Variants in CFHR3 observed in about 807,000 individuals in gnomAD.
CFHR3 encodes complement factor H related 3.
Under a neutral mutation model 36.0 loss-of-function variants are expected in CFHR3, and 22 were observed. That is an observed-to-expected ratio of 0.61 (90% CI 0.44 to 0.87). The LOEUF (loss-of-function observed/expected upper bound fraction) is 0.87. CFHR3 is among the 40% of genes least tolerant of loss of function. The probability of loss-of-function intolerance (pLI) is 0.00; values close to 1 mark genes in which losing one functional copy is unlikely to be tolerated. For missense variants in CFHR3, 276 were observed against 401.3 expected (o/e 0.69, Z 2.67); for synonymous variants, 97 against 137.4 (o/e 0.71, Z 2.06).
In CFHR3 at chr1:196,792,594, A is replaced by G. The variant is rs868341797; in HGVS notation, c.797-723A>G. Among the ~76,000 whole-genome samples, 14 of 133,562 alleles carry G rather than the reference A, an allele frequency of 1.0e-4. 5 individuals are homozygous for G. The South Asian group carries it at 2.6e-3, about 25-fold the overall frequency. The allele number at this position is 133,562 out of a possible 152,430, so 87.6% of individuals were successfully genotyped here. On this transcript the variant is annotated intron_variant, in intron 5 of 5. Coordinates refer to ENST00000367425, the MANE Select transcript of CFHR3 (RefSeq NM_021023.6). The stretch of plus-strand genomic sequence containing the variant: ...AAAAGAAAATCCATATGTGGAAGTA[A>G]CATTATCTTACTGATTTTACAGATG...
At position 196,789,021 on chromosome 1, in the gene CFHR3, C is replaced by CTCGACCTTTACTTAGTATGA. The variant is rs1460520610; in HGVS notation, c.613+625_613+644dup. On this transcript the variant is annotated intron_variant, in intron 4 of 5. Coordinates refer to ENST00000367425, the MANE Select transcript of CFHR3 (RefSeq NM_021023.6). ...TTACATGTAAAGTTCTCTGAACGTG[C>CTCGACCTTTACTTAGTATGA]TCGACCTTTACTTAGTATGATAAAG... The CTCGACCTTTACTTAGTATGA allele has an allele frequency of 7.1e-6, 9 of 1,265,904 alleles. 1 individual carries two copies. In the Admixed American group the frequency reaches 2.1e-4, roughly 29 times the overall value. 78.4% of individuals were successfully genotyped at this position (1,265,904 alleles called of 1,614,324 possible).
intron 3 of CFHR3, among the ~76,000 whole-genome samples, chr1:196,784,592 T>G (rs1360705621): frequency 1.5e-5 from 2 of 136,338 alleles, no homozygotes; most frequent in African/African-American, 6.2e-5. Flanking sequence ...TTTGTTGGTT[T>G]AAAGTTTGTT....
chr1:196,794,753 T>C lies in CFHR3; in HGVS notation c.*1240T>C. On this transcript the variant is annotated 3_prime_UTR_variant, in exon 6 of 6. Coordinates refer to ENST00000367425, the MANE Select transcript of CFHR3 (RefSeq NM_021023.6). Reference sequence around the variant, plus strand: ...AATCTCTATTCACTTTAATAGATTTTTACCCCCAGTTAGCATATGGTTAGT... The same window carrying C: ...AATCTCTATTCACTTTAATAGATTTCTACCCCCAGTTAGCATATGGTTAGT... The C allele has an allele frequency of 1.1e-5, 3 of 282,126 alleles. 1 individual carries two copies. The highest frequency in any genetic ancestry group is 1.0e-4 in the South Asian group (3 of 28,726). 17.5% of individuals were successfully genotyped at this position (282,126 alleles called of 1,614,324 possible).
In CFHR3 at chr1:196,779,687, G is replaced by T. The variant is rs1653866238; in HGVS notation, c.254-110G>T. On this transcript the variant is annotated intron_variant, in intron 2 of 5. Coordinates refer to ENST00000367425, the MANE Select transcript of CFHR3 (RefSeq NM_021023.6). ...TCATACTAAGTTGTACATTATTTTT[G>T]GATGTTTATGCGATCTTATTTAAAT... 6 of 1,306,776 alleles carry T rather than the reference G, an allele frequency of 4.6e-6. 1 individual carries two copies. The highest frequency in any genetic ancestry group is 6.1e-6 in the Non-Finnish European group (6 of 983,486). The allele number at this position is 1,306,776 out of a possible 1,614,324, so 80.9% of individuals were successfully genotyped here. A position where few individuals can be genotyped will look rare whatever the true frequency, so the allele number is the denominator to read the frequency against.
rs1417802171 is a variant in CFHR3, at chr1:196,789,917, C to G, written c.614-128C>G. On this transcript the variant is annotated intron_variant, in intron 4 of 5. Coordinates refer to ENST00000367425, the MANE Select transcript of CFHR3 (RefSeq NM_021023.6). ...CTTGAGACTTAAAAAGAAAAAACAA[C>G]GTTGAAAATGCAGATGTCTTCCTAA... The G allele has an allele frequency of 2.4e-4, 305 of 1,248,872 alleles. 6 individuals are homozygous for G. In the African/African-American group the frequency reaches 6.1e-3, roughly 25 times the overall value. The allele number at this position is 1,248,872 out of a possible 1,614,324, so 77.4% of individuals were successfully genotyped here.
chr1:196,779,302 T>G lies in CFHR3; in HGVS notation c.199T>G (p.Trp67Gly), dbSNP rs1412795610. 1.2e-5 allele frequency: 19 copies of G among 1,529,808 alleles called. 1 individual carries two copies. Among genetic ancestry groups the G allele is most frequent in the Non-Finnish European group, 1.6e-5 (18 of 1,130,440 alleles). 94.8% of individuals were successfully genotyped at this position (1,529,808 alleles called of 1,614,324 possible). A position where few individuals can be genotyped will look rare whatever the true frequency, so the allele number is the denominator to read the frequency against. ...TTTTGAGACTCCTTCAGGAAGTTACTGGGATTACATTCATTGCACACAAAA... is the reference window on the plus strand; with the variant it reads ...TTTTGAGACTCCTTCAGGAAGTTACGGGGATTACATTCATTGCACACAAAA... Reference protein sequence around the residue: ...EHFETPSGSYWDYIHCTQNGW... With the variant: ...EHFETPSGSYGDYIHCTQNGW... Residue 67 changes from tryptophan (W) to glycine (G), a missense_variant, in exon 2 of 6, where the codon TGG (tryptophan) becomes GGG (glycine). Coordinates refer to ENST00000367425, the MANE Select transcript of CFHR3 (RefSeq NM_021023.6).
At chr1:196,784,115 G>C (rs1654085653) in intron 3 of CFHR3, among the ~76,000 whole-genome samples, 1 of 136,412 alleles carries the variant, frequency 7.3e-6, no homozygotes, top group Non-Finnish European at 1.6e-5. Context: ...GAGCAGTTTT[G>C]AGTGAGTTTC....
chr1:196,777,285 A>G (rs424878), intron 1 of CFHR3, among the ~76,000 whole-genome samples: 7,386 of 137,164 alleles, frequency 0.054, 2,240 homozygotes, highest in African/African-American at 0.21. Context: ...TTAATCATGA[A>G]TATCCTTTCA....
chr1:196,785,057 T>G (rs1654138036), intron 3 of CFHR3, among the ~76,000 whole-genome samples: 1 of 136,050 alleles, frequency 7.4e-6, no homozygotes. Context: ...TCTCCTTCAC[T>G]TATGAAGCTT....
At chr1:196,777,982 T>TAAAAAAAAA (rs202127437) in intron 1 of CFHR3, among the ~76,000 whole-genome samples, 2 of 89,862 alleles carry the variant, frequency 2.2e-5, no homozygotes, top group Non-Finnish European at 4.3e-5. Context: ...ACAAGACTGT[T>TAAAAAAAAA]AAAAAAAAAA....
rs1440798803 is a variant in CFHR3, at chr1:196,784,824, A to G, written c.431-3392A>G. 1.1e-4 allele frequency among the ~76,000 whole-genome samples: 15 copies of G among 134,240 alleles called. 1 individual carries two copies. The East Asian group carries it at 2.8e-3, about 25-fold the overall frequency. The allele number at this position is 134,240 out of a possible 152,430, so 88.1% of individuals were successfully genotyped here. On this transcript the variant is annotated intron_variant, in intron 3 of 5. Transcript: ENST00000367425. ...TTACATTTAAAGTTAATATTGTTAA[A>G]TGTGAATTTGATCCTGTCATTATGA...
chr1:196,777,667 C>T lies in CFHR3; in HGVS notation c.59-1495C>T, dbSNP rs1653777770. Among the ~76,000 whole-genome samples the T allele has an allele frequency of 4.4e-5, 6 of 136,608 alleles. 3 individuals are homozygous for T. In the South Asian group the frequency reaches 1.5e-3, roughly 35 times the overall value. The allele number at this position is 136,608 out of a possible 152,430, so 89.6% of individuals were successfully genotyped here. A position where few individuals can be genotyped will look rare whatever the true frequency, so the allele number is the denominator to read the frequency against. On this transcript the variant is annotated intron_variant, in intron 1 of 5. Coordinates refer to ENST00000367425, the MANE Select transcript of CFHR3 (RefSeq NM_021023.6). ...AACCTAAACTATGAAAAACTCACTA[C>T]AGTTTCGAAATTATCACTGACTAAG...
In CFHR3 at chr1:196,794,749, AT is replaced by A. The variant is rs1209844574; in HGVS notation, c.*1241del. 1.4e-5 allele frequency: 4 copies of A among 283,846 alleles called. 1 individual carries two copies. The highest frequency in any genetic ancestry group is 2.7e-5 in the Non-Finnish European group (4 of 146,212). 17.6% of individuals were successfully genotyped at this position (283,846 alleles called of 1,614,324 possible). On this transcript the variant is annotated 3_prime_UTR_variant, in exon 6 of 6. Transcript: ENST00000367425. Reference sequence around the variant, plus strand: ...TTGAAATCTCTATTCACTTTAATAGATTTTTACCCCCAGTTAGCATATGGTT... The same window carrying A: ...TTGAAATCTCTATTCACTTTAATAGATTTTACCCCCAGTTAGCATATGGTT...
chr1:196,789,872 C>G lies in CFHR3; in HGVS notation c.614-173C>G. ...CATATATGTACATATATATGTAGTC[C>G]TCCTATGAGTGTGAATTATCTTGAG... On this transcript the variant is annotated intron_variant, in intron 4 of 5. Transcript: ENST00000367425. 24 of 1,145,264 alleles carry G rather than the reference C, an allele frequency of 2.1e-5. 2 individuals carry two copies. Among genetic ancestry groups the G allele is most frequent in the Non-Finnish European group, 2.8e-5 (24 of 867,790 alleles). The allele number at this position is 1,145,264 out of a possible 1,614,324, so 70.9% of individuals were successfully genotyped here. A position where few individuals can be genotyped will look rare whatever the true frequency, so the allele number is the denominator to read the frequency against.
chr1:196,779,820 GA>G lies in CFHR3; in HGVS notation c.281del (p.Asn94MetfsTer58). The stretch of plus-strand genomic sequence containing the variant: ...AGGAAAATGTTATTTTCCTTATTTG[GA>G]AAATGGATATAATCAAAATTATGGA... ...CLRKCYFPYLENGYNQNYGRK... is the reference protein window; with the variant it reads ...CLRKCYFPYLXNGYNQNYGRK... On this transcript the variant is annotated frameshift_variant, in exon 3 of 6. Transcript: ENST00000367425. LOFTEE classifies it high-confidence loss of function. The G allele has an allele frequency of 6.5e-7, 1 of 1,526,858 alleles. No homozygotes were observed. The highest frequency in any genetic ancestry group is 1.7e-5 in the Admixed American group (1 of 57,728). The allele number at this position is 1,526,858 out of a possible 1,614,324, so 94.6% of individuals were successfully genotyped here.
intron 3 of CFHR3, among the ~76,000 whole-genome samples, chr1:196,787,548 A>G (rs1242704363): frequency 7.3e-6 from 1 of 137,620 alleles, no homozygotes; most frequent in Admixed American, 7.0e-5. Flanking sequence ...CGTTACTAAA[A>G]TAATTACTAC....
Position 196,783,859 on chromosome 1 carries a change from T to C in CFHR3, c.430+3886T>C, listed in dbSNP as rs1368920537. Among the ~76,000 whole-genome samples the C allele has an allele frequency of 8.1e-5, 11 of 135,872 alleles. 2 individuals carry two copies. Among genetic ancestry groups the C allele is most frequent in the African/African-American group, 3.1e-4 (10 of 32,178 alleles). 89.1% of individuals were successfully genotyped at this position (135,872 alleles called of 152,430 possible). Reference sequence around the variant, plus strand: ...GCCTTCTGCTAGCTTTGAATGTGTTTGCTCTTGCTTTTCTAGTTCTTTTAA... The same window carrying C: ...GCCTTCTGCTAGCTTTGAATGTGTTCGCTCTTGCTTTTCTAGTTCTTTTAA... On this transcript the variant is annotated intron_variant, in intron 3 of 5. Coordinates refer to ENST00000367425, the MANE Select transcript of CFHR3 (RefSeq NM_021023.6).
intron 5 of CFHR3, among the ~76,000 whole-genome samples, chr1:196,790,481 C>CT (rs1462175293): frequency 7.4e-6 from 1 of 134,942 alleles, no homozygotes; most frequent in East Asian, 2.0e-4. Flanking sequence ...AGTCCCAGCA[C>CT]TTTGGAAGGC....
chr1:196,780,087 G>C, intron 3 of CFHR3, 114 bp downstream of exon 3: 1 of 1,337,036 alleles, frequency 7.5e-7, no homozygotes, highest in Admixed American at 1.8e-5. Flanking sequence ...AACTTGTTTT[G>C]CCAACGGACC....
Sources: allele counts gnomAD v4.1 joint callset (sites outside exome capture counted in the v4.1 genomes callset), GRCh38; gene constraint gnomAD v4.1.1; transcripts MANE v1.5; gene names NCBI Gene and HGNC (gene_info 2026-07-23, HGNC 2026-07-21).